Variants in SLC7A2 observed in about 807,000 individuals in gnomAD.
The protein encoded by SLC7A2 is cationic amino acid transporter 2.
A neutral mutation model predicts 58.9 loss-of-function variants in SLC7A2; 48 were observed. The observed-to-expected ratio is 0.82, with a 90% confidence interval of 0.65 to 1.04. SLC7A2 has a LOEUF of 1.04. Among genes scored for constraint, SLC7A2 ranks in the 50% least tolerant of loss-of-function variants. The pLI is 0.00. For synonymous variants in SLC7A2, 363 were observed against 314.5 expected, an observed-to-expected ratio of 1.15 and a Z score of -1.63; for missense variants, 1,029 against 818.8, an observed-to-expected ratio of 1.26 and a Z score of -3.13.
chr8:17,526,112 G>A (rs1563449603), intron 2 of SLC7A2, among the ~76,000 whole-genome samples: 1 of 152,114 alleles, frequency 6.6e-6, no homozygotes, highest in Non-Finnish European at 1.5e-5. Context: ...TTTTTGGCAA[G>A]AAGAAAAGAC....
chr8:17,567,891 G>A lies in SLC7A2; in HGVS notation c.*2745G>A, dbSNP rs1191804182. ...GAGGTAGGGGCATTTGGGGATTCCT[G>A]TTTACTTGCTGCTGCCACACCTTTT... On this transcript the variant is annotated 3_prime_UTR_variant, in exon 13 of 13. Coordinates refer to ENST00000494857, the MANE Select transcript of SLC7A2 (RefSeq NM_001370338.1). The A allele has an allele frequency of 6.6e-6, 1 of 152,172 alleles. No individual in the cohort carries two copies. Among genetic ancestry groups the A allele is most frequent in the Admixed American group, 6.5e-5 (1 of 15,272 alleles). 9.4% of individuals were successfully genotyped at this position (152,172 alleles called of 1,614,324 possible).
intron 2 of SLC7A2, among the ~76,000 whole-genome samples, chr8:17,505,947 T>C (rs533244870): frequency 6.6e-6 from 1 of 152,378 alleles, no homozygotes; most frequent in East Asian, 1.9e-4. Context: ...GTTTGTTTAA[T>C]AACATGCTTA....
In SLC7A2 at chr8:17,543,506, C is replaced by T. The variant is rs745434632; in HGVS notation, c.167C>T (p.Ala56Val). Reference protein sequence around the residue: ...STLGAGVYVLAGEVAKADSGP... With the variant: ...STLGAGVYVLVGEVAKADSGP... ...CTTGGGGCCGGGGTTTATGTCCTCGCTGGGGAGGTGGCCAAGGCAGACTCG... is the reference window on the plus strand; with the variant it reads ...CTTGGGGCCGGGGTTTATGTCCTCGTTGGGGAGGTGGCCAAGGCAGACTCG... Residue 56 changes from alanine to valine, a missense_variant, in exon 3 of 13, where the codon GCT becomes GTT. Coordinates refer to ENST00000494857, the MANE Select transcript of SLC7A2 (RefSeq NM_001370338.1). 2 of 1,613,960 alleles carry T rather than the reference C, an allele frequency of 1.2e-6. No homozygotes were observed. Among genetic ancestry groups the T allele is most frequent in the East Asian group, 2.2e-5 (1 of 44,872 alleles).
intron 2 of SLC7A2, among the ~76,000 whole-genome samples, chr8:17,524,406 ATGTGTG>A (rs147627145): frequency 1.4e-5 from 2 of 139,282 alleles, no homozygotes; most frequent in African/African-American, 5.4e-5. Flanking sequence ...ATATACATAT[ATGTGTG>A]TGTGTGTGTA....
At position 17,551,768 on chromosome 8, in the gene SLC7A2, A is replaced by G; in HGVS notation, c.837A>G (p.Glu279=). ...VGFDCIATTG[E]EVRNPQKAIP... ...CTTTTGTTTATATTTCCTTAGGTGA[A>G]GAAGTTCGGAATCCCCAGAAAGCTA... The change falls in exon 7 of 13, where the codon GAA becomes GAG. Residue 279 remains glutamate, a synonymous_variant. Coordinates refer to ENST00000494857, the MANE Select transcript of SLC7A2 (RefSeq NM_001370338.1). 1 of 1,611,986 alleles carries G rather than the reference A, an allele frequency of 6.2e-7. No individual in the cohort carries two copies. Among genetic ancestry groups the G allele is most frequent in the South Asian group, 1.1e-5 (1 of 91,034 alleles).
chr8:17,563,063 A>C (rs1197389255), intron 11 of SLC7A2, among the ~76,000 whole-genome samples: 1 of 152,212 alleles, frequency 6.6e-6, no homozygotes, highest in African/African-American at 2.4e-5. Flanking sequence ...GGATCACTGG[A>C]ACCCAGGAGT....
chr8:17,505,957 A>T (rs1259320466), intron 2 of SLC7A2, among the ~76,000 whole-genome samples: 1 of 152,250 alleles, frequency 6.6e-6, no homozygotes, highest in African/African-American at 2.4e-5. Context: ...TAACATGCTT[A>T]AGGTATAATA....
intron 2 of SLC7A2, among the ~76,000 whole-genome samples, chr8:17,531,762 T>C (rs1197657677): frequency 6.6e-6 from 1 of 152,132 alleles, no homozygotes; most frequent in African/African-American, 2.4e-5. Flanking sequence ...TAACTATAGT[T>C]GCCATTAAAT....
At chr8:17,548,057 G>C (rs918264308) in intron 4 of SLC7A2, among the ~76,000 whole-genome samples, 2 of 152,168 alleles carry the variant, frequency 1.3e-5, no homozygotes, top group African/African-American at 4.8e-5. Context: ...TTCGCAACTG[G>C]GCCGGGCATT....
chr8:17,518,531 T>A (rs1800890319), intron 2 of SLC7A2, among the ~76,000 whole-genome samples: 1 of 152,202 alleles, frequency 6.6e-6, no homozygotes, highest in Non-Finnish European at 1.5e-5. Flanking sequence ...CTAGTGTTCA[T>A]CATGGGAAAT....
In SLC7A2 at chr8:17,507,499, C is replaced by T. The variant is rs939388914; in HGVS notation, c.-23+5197C>T. Among the ~76,000 whole-genome samples, 3 of 152,150 alleles carry T rather than the reference C, an allele frequency of 2.0e-5. No individual in the cohort carries two copies. The East Asian group carries it at 5.8e-4, about 29-fold the overall frequency. On this transcript the variant is annotated intron_variant, in intron 2 of 12. Coordinates refer to ENST00000494857, the MANE Select transcript of SLC7A2 (RefSeq NM_001370338.1). ...AAAGTGCAGGAATTATAGGCATAAG[C>T]CACTGTACCTGGCCTTTTTAAATTT...
intron 2 of SLC7A2, among the ~76,000 whole-genome samples, chr8:17,509,494 C>G (rs1256094592): frequency 6.6e-6 from 1 of 151,878 alleles, no homozygotes; most frequent in Non-Finnish European, 1.5e-5. Flanking sequence ...TTAGTAGAGA[C>G]AGGGTTTCAT....
chr8:17,512,916 A>G (rs1244209792), intron 2 of SLC7A2, among the ~76,000 whole-genome samples: 1 of 152,056 alleles, frequency 6.6e-6, no homozygotes, highest in East Asian at 1.9e-4. Context: ...GGATTATTTC[A>G]CTGAACATGA....
chr8:17,539,808 CCTCCAAAACCCCT>C (rs1400319891), intron 2 of SLC7A2, among the ~76,000 whole-genome samples: 3 of 152,150 alleles, frequency 2.0e-5, no homozygotes, highest in Admixed American at 6.6e-5. Context: ...AATGGAATCA[CCTCCAAAACCCCT>C]GCATTGTATC....
intron 11 of SLC7A2, among the ~76,000 whole-genome samples, chr8:17,562,695 C>T (rs546786011): frequency 6.6e-6 from 1 of 152,254 alleles, no homozygotes; most frequent in Admixed American, 6.5e-5. Context: ...ACTGCCTTTT[C>T]AAACACTTGG....
At chr8:17,519,274 C>A (rs1017766829) in intron 2 of SLC7A2, among the ~76,000 whole-genome samples, 1 of 152,140 alleles carries the variant, frequency 6.6e-6, no homozygotes, top group African/African-American at 2.4e-5. Context: ...TACACTTAGC[C>A]TAGTTCCTAA....
chr8:17,537,566 T>C (rs1012069594), intron 2 of SLC7A2, among the ~76,000 whole-genome samples: 1 of 152,086 alleles, frequency 6.6e-6, no homozygotes, highest in African/African-American at 2.4e-5. Flanking sequence ...GGCTTCGGGG[T>C]ATGAAGACAG....
In SLC7A2 at chr8:17,548,808, T is replaced by G. The variant is rs981032378; in HGVS notation, c.663T>G (p.Ser221Arg). The G allele has an allele frequency of 3.7e-6, 6 of 1,612,324 alleles. No individual in the cohort carries two copies. Among genetic ancestry groups the G allele is most frequent in the Non-Finnish European group, 5.1e-6 (6 of 1,179,640 alleles). Residue 221 changes from serine (S) to arginine (R), a missense_variant, in exon 5 of 13, where the codon AGT (serine) becomes AGG (arginine). Physicochemically the swap from Ser to Arg is moderately radical, Grantham distance 110 (BLOSUM62 -1). Transcript: ENST00000494857. ...VKGNVANWKI[S>R]EEFLKNISAS... ...GAAATGTGGCAAACTGGAAGATTAG[T>G]GAAGAGTTTCTCAAAAATATATCAG...
At chr8:17,543,791 T>C (rs1802032001) in intron 3 of SLC7A2, 76 bp downstream of exon 3, 4 of 1,336,834 alleles carry the variant, frequency 3.0e-6, no homozygotes, top group Non-Finnish European at 4.1e-6. Flanking sequence ...TTAGGTTCAG[T>C]TGTAGGTGTT....
Sources: gnomAD v4.1 joint callset for allele counts (sites outside exome capture counted in the v4.1 genomes callset) on GRCh38, gnomAD v4.1.1 for gene constraint, MANE v1.5 for transcripts, NCBI Gene and HGNC (gene_info 2026-07-23, HGNC 2026-07-21) for gene names.